Variants in POC5 observed in about 807,000 individuals in gnomAD.
POC5 encodes POC5 centriolar protein, also known as centrosomal protein POC5.
POC5 carries 48 observed loss-of-function variants against 62.9 expected under a neutral mutation model. The observed-to-expected ratio is 0.76, with a 90% CI of 0.61 to 0.97. The LOEUF is 0.97. Among genes scored for constraint, POC5 ranks in the 50% least tolerant of loss-of-function variants. The pLI is 0.00. For missense variants in POC5, 696 were observed against 679.5 expected (o/e 1.02, Z -0.27); for synonymous variants, 236 against 228.2 (o/e 1.03, Z -0.31).
Position 75,690,449 on chromosome 5 carries a change from A to G in POC5, c.909T>C (p.Ala303=). ...QKQWKDVVER[A]CQARAEEVCI... ...AAACTTCTTCAGCTCTTGCTTGACA[A>G]GCTCTTTCTACCACATCTTTCCACT... is the stretch of plus-strand genomic sequence containing the variant. The change falls in exon 8 of 12, where the codon GCT becomes GCC. Residue 303 remains alanine (A), a synonymous_variant. Transcript: ENST00000428202. The G allele has an allele frequency of 6.2e-7, 1 of 1,612,264 alleles. No individual in the cohort carries two copies. The highest frequency in any genetic ancestry group is 8.5e-7 in the Non-Finnish European group (1 of 1,179,126).
At position 75,699,122 on chromosome 5, in the gene POC5, T is replaced by C. The variant is rs376514918; in HGVS notation, c.513+3483A>G. Among the ~76,000 whole-genome samples, 171 of 152,288 alleles carry C rather than the reference T, an allele frequency of 1.1e-3. 2 individuals are homozygous for C. The East Asian group carries it at 0.028, about 25-fold the overall frequency. ...GTCCAGGACCAGATGGATTCACAGCTGAATTCTACCAGAGGTACAAGGAAG... is the reference window on the plus strand; with the variant it reads ...GTCCAGGACCAGATGGATTCACAGCCGAATTCTACCAGAGGTACAAGGAAG... On this transcript the variant is annotated intron_variant, in intron 5 of 11. Coordinates refer to ENST00000428202, the MANE Select transcript of POC5 (RefSeq NM_001099271.2).
At chr5:75,683,611 C>T (rs1320213002) in intron 10 of POC5, among the ~76,000 whole-genome samples, 7 of 151,858 alleles carry the variant, frequency 4.6e-5, no homozygotes, top group Admixed American at 4.6e-4. Flanking sequence ...TGTACTCCAC[C>T]CTTACTTGAG....
rs111985424 is a variant in POC5, at chr5:75,689,623, C to T, written c.976-458G>A. The T allele has an allele frequency of 2.2e-3, 2,188 of 985,334 alleles. 9 individuals are homozygous for T. The highest frequency in any genetic ancestry group is 2.6e-3 in the South Asian group (55 of 21,286). The allele number at this position is 985,334 out of a possible 1,614,324, so 61.0% of individuals were successfully genotyped here. A position where few individuals can be genotyped will look rare whatever the true frequency, so the allele number is the denominator to read the frequency against. On this transcript the variant is annotated intron_variant, in intron 8 of 11. Transcript: ENST00000428202. ...AAGTGCAGAGTGACCCTAGGTACAA[C>T]ACACTTTCCCATAGGCCAAACCTCA...
intron 9 of POC5, among the ~76,000 whole-genome samples, chr5:75,687,107 T>G (rs1216888509): frequency 6.6e-6 from 1 of 152,158 alleles, no homozygotes. Context: ...CTCAGCTCAC[T>G]GCAACCTCTG....
At chr5:75,692,047 T>C (rs750690782) in intron 7 of POC5, among the ~76,000 whole-genome samples, 1 of 152,122 alleles carries the variant, frequency 6.6e-6, no homozygotes, top group Non-Finnish European at 1.5e-5. Flanking sequence ...ATTTTAAAAG[T>C]AGAAACAATA....
At chr5:75,695,933 G>C (rs1199058388) in intron 5 of POC5, 3 of 152,522 alleles carry the variant, frequency 2.0e-5, no homozygotes, top group Non-Finnish European at 4.4e-5. Context: ...CCCTTTCCTA[G>C]TCAAAGAAAG....
intron 10 of POC5, 38 bp downstream of exon 10, chr5:75,685,169 C>G (rs1356555952): frequency 3.2e-5 from 50 of 1,553,752 alleles, no homozygotes; most frequent in Non-Finnish European, 4.1e-5. Flanking sequence ...GCCTGGCCGC[C>G]CTTTTCATAA....
chr5:75,702,544 G>GA, intron 5 of POC5, 61 bp downstream of exon 5: 1 of 1,451,904 alleles, frequency 6.9e-7, no homozygotes, highest in Non-Finnish European at 9.4e-7. Context: ...CAGTATAAAT[G>GA]AGAGTAAAAC....
At chr5:75,698,034 T>C (rs1776689434) in intron 5 of POC5, among the ~76,000 whole-genome samples, 1 of 144,502 alleles carries the variant, frequency 6.9e-6, no homozygotes, top group Non-Finnish European at 1.5e-5. Context: ...TAAATATATA[T>C]GCACCCAATA....
In POC5 at chr5:75,677,762, A is replaced by G; in HGVS notation, c.1584+12T>C. Reference sequence around the variant, plus strand: ...AGACTTTTTGACAAAAGGTCATCAAATGTGGACTCACCACTGTGACTGGAT... The same window carrying G: ...AGACTTTTTGACAAAAGGTCATCAAGTGTGGACTCACCACTGTGACTGGAT... On this transcript the variant is annotated intron_variant, in intron 11 of 11. Transcript: ENST00000428202. 1.3e-6 allele frequency: 2 copies of G among 1,583,762 alleles called. No homozygotes were observed. Among genetic ancestry groups the G allele is most frequent in the African/African-American group, 1.4e-5 (1 of 73,480 alleles).
At chr5:75,686,709 T>C (rs923385048) in intron 9 of POC5, among the ~76,000 whole-genome samples, 1 of 152,180 alleles carries the variant, frequency 6.6e-6, no homozygotes, top group Non-Finnish European at 1.5e-5. Flanking sequence ...CTCTTGCTAA[T>C]ATAGGCTGAT....
intron 4 of POC5, 21 bp from the exon 5 acceptor site, chr5:75,702,831 AG>A (rs1167844357): frequency 6.6e-7 from 1 of 1,513,464 alleles, no homozygotes; most frequent in Non-Finnish European, 9.0e-7. Context: ...GAAAAGTTGT[AG>A]CTGTCAAGCC....
chr5:75,712,724 T>C (rs1357236964), intron 2 of POC5, 130 bp downstream of exon 2: 3 of 783,704 alleles, frequency 3.8e-6, no homozygotes, highest in Non-Finnish European at 6.2e-6. Flanking sequence ...TTCCTGAAGT[T>C]TGATATTATT....
chr5:75,703,922 G>A (rs1251338764), intron 4 of POC5, among the ~76,000 whole-genome samples: 1 of 152,078 alleles, frequency 6.6e-6, no homozygotes, highest in East Asian at 1.9e-4. Flanking sequence ...TTGGGAGGCT[G>A]AAGTGGGCGA....
chr5:75,685,543 C>T (rs1776070423), intron 9 of POC5, 59 bp from the exon 10 acceptor site: 1 of 1,516,156 alleles, frequency 6.6e-7, no homozygotes, highest in South Asian at 1.2e-5. Context: ...CTATTATCTT[C>T]CAAACAATGA....
chr5:75,682,635 C>T (rs966527429), intron 10 of POC5, among the ~76,000 whole-genome samples: 1 of 151,784 alleles, frequency 6.6e-6, no homozygotes, highest in African/African-American at 2.4e-5. Context: ...TCCACCTCGG[C>T]CTCCTGAGTA....
In POC5 at chr5:75,699,186, G is replaced by A. The variant is rs987599967; in HGVS notation, c.513+3419C>T. On this transcript the variant is annotated intron_variant, in intron 5 of 11. Coordinates refer to ENST00000428202, the MANE Select transcript of POC5 (RefSeq NM_001099271.2). The stretch of plus-strand genomic sequence containing the variant: ...CCTTCTGAAACTATTCCAATCAATA[G>A]AAAAAGAGGGAATCCTCCCTAACTC... Among the ~76,000 whole-genome samples the A allele has an allele frequency of 7.9e-5, 12 of 152,172 alleles. No individual in the cohort carries two copies. In the East Asian group the frequency reaches 2.1e-3, roughly 27 times the overall value.
In POC5 at chr5:75,702,793, A is replaced by T. The variant is rs780126553; in HGVS notation, c.325T>A (p.Ser109Thr). Residue 109 changes from serine to threonine, a missense_variant, in exon 5 of 12, where the codon TCG (serine) becomes ACG (threonine). Transcript: ENST00000428202. ...ACTGGGTGAGAAGGCTTCCTTGGCGATAACACTGGTGATGACTCTGAATAA... is the reference window on the plus strand; with the variant it reads ...ACTGGGTGAGAAGGCTTCCTTGGCGTTAACACTGGTGATGACTCTGAATAA... ...SKTDESSPVL[S>T]PRKPSHPVMD... The T allele has an allele frequency of 1.9e-6, 3 of 1,578,832 alleles. No homozygotes were observed. In the East Asian group the frequency reaches 6.9e-5, roughly 36 times the overall value.
chr5:75,685,613 A>G (rs1776072122), intron 9 of POC5, 129 bp from the exon 10 acceptor site: 7 of 899,748 alleles, frequency 7.8e-6, no homozygotes, highest in Non-Finnish European at 1.2e-5. Flanking sequence ...AGTATATTAG[A>G]TACAATGTTC....
Sources: allele counts gnomAD v4.1 joint callset (sites outside exome capture counted in the v4.1 genomes callset), GRCh38; gene constraint gnomAD v4.1.1; transcripts MANE v1.5; gene names NCBI Gene and HGNC (gene_info 2026-07-23, HGNC 2026-07-21).